Variants in IRAK2 observed in about 807,000 individuals in gnomAD.
IRAK2 encodes the protein interleukin 1 receptor associated kinase 2, also known as interleukin-1 receptor-associated kinase-like 2.
IRAK2 carries 57 observed loss-of-function variants against 72.0 expected under a neutral mutation model. The observed-to-expected ratio is 0.79, with a 90% CI of 0.64 to 0.99. IRAK2 has a LOEUF of 0.99. Among genes scored for constraint, IRAK2 ranks in the 50% least tolerant of loss-of-function variants. The pLI, the probability that IRAK2 is intolerant of heterozygous loss-of-function variation, is 0.00. For synonymous variants in IRAK2, 293 were observed against 312.7 expected (o/e 0.94, Z 0.67); for missense variants, 790 against 794.4 (o/e 0.99, Z 0.07).
intron 2 of IRAK2, among the ~76,000 whole-genome samples, chr3:10,194,169 G>A (rs1422517287): frequency 6.6e-6 from 1 of 152,222 alleles, no homozygotes; most frequent in Non-Finnish European, 1.5e-5. Context: ...CAGGAGAGGC[G>A]CATGAAGCTC....
chr3:10,191,772 T>G (rs1697179215), intron 2 of IRAK2, among the ~76,000 whole-genome samples: 5 of 152,200 alleles, frequency 3.3e-5, no homozygotes, highest in Admixed American at 3.3e-4. Context: ...CGAGTTTGTT[T>G]TCAGCATAGA....
chr3:10,194,739 C>A (rs952872948), intron 2 of IRAK2, among the ~76,000 whole-genome samples: 2 of 152,162 alleles, frequency 1.3e-5, no homozygotes, highest in Non-Finnish European at 2.9e-5. Flanking sequence ...CAGACCATGC[C>A]GGCAGCTCCA....
At chr3:10,182,493 G>A (rs28832886) in intron 2 of IRAK2, among the ~76,000 whole-genome samples, 1 of 151,424 alleles carries the variant, frequency 6.6e-6, no homozygotes, top group Non-Finnish European at 1.5e-5. Context: ...CTGTTAGCCA[G>A]GATGGTCTCG....
chr3:10,235,487 C>T (rs551091952), intron 11 of IRAK2, among the ~76,000 whole-genome samples: 1 of 152,194 alleles, frequency 6.6e-6, no homozygotes, highest in Admixed American at 6.5e-5. Flanking sequence ...TAAGGACAAA[C>T]TCTCCACTGC....
chr3:10,222,095 C>A (rs449065), intron 8 of IRAK2, among the ~76,000 whole-genome samples: 1 of 152,170 alleles, frequency 6.6e-6, no homozygotes, highest in Non-Finnish European at 1.5e-5. Flanking sequence ...GGCATGCTGG[C>A]CAGGCTGGTC....
chr3:10,238,205 A>C (rs1697996640), intron 11 of IRAK2, among the ~76,000 whole-genome samples: 1 of 152,164 alleles, frequency 6.6e-6, no homozygotes, highest in Admixed American at 6.5e-5. Flanking sequence ...AACAACAGAG[A>C]GGACAGGCAT....
chr3:10,231,391 A>G (rs1201681519), intron 10 of IRAK2, among the ~76,000 whole-genome samples: 1 of 152,056 alleles, frequency 6.6e-6, no homozygotes, highest in Admixed American at 6.6e-5. Context: ...TCCCAGGTTC[A>G]AGCAATTCTC....
At chr3:10,169,766 G>C (rs1356113162) in intron 1 of IRAK2, among the ~76,000 whole-genome samples, 2 of 152,196 alleles carry the variant, frequency 1.3e-5, no homozygotes, top group Non-Finnish European at 2.9e-5. Context: ...ACAGGGTCCT[G>C]AGGTGACATA....
chr3:10,234,630 CT>C lies in IRAK2; in HGVS notation c.1445del (p.Leu482ArgfsTer62). On this transcript the variant is annotated frameshift_variant, in exon 11 of 13. Coordinates refer to ENST00000256458, the MANE Select transcript of IRAK2 (RefSeq NM_001570.4). LOFTEE classifies it high-confidence loss of function. ...CCTGGCCACGGCTGCCTGCCTGTGCCTGCGGAGGCGTAACACCAGCCTGCAG... is the reference window on the plus strand; with the variant it reads ...CCTGGCCACGGCTGCCTGCCTGTGCCGCGGAGGCGTAACACCAGCCTGCAG... ...EALATAACLC[L>X]RRRNTSLQEV... 1 of 1,613,224 alleles carries C rather than the reference CT, an allele frequency of 6.2e-7. No homozygotes were observed. Among genetic ancestry groups the C allele is most frequent in the Non-Finnish European group, 8.5e-7 (1 of 1,179,856 alleles).
intron 6 of IRAK2, 46 bp from the exon 7 acceptor site, chr3:10,216,888 T>C: frequency 7.0e-7 from 1 of 1,420,918 alleles, no homozygotes; most frequent in Non-Finnish European, 1.0e-6. Context: ...AAGTAGATCA[T>C]TCTTTCCGTC....
intron 2 of IRAK2, among the ~76,000 whole-genome samples, chr3:10,180,818 GC>G (rs1696949052): frequency 6.6e-6 from 1 of 152,104 alleles, no homozygotes; most frequent in African/African-American, 2.4e-5. Flanking sequence ...TAGAGCTACA[GC>G]CCAGGCTGGG....
At chr3:10,227,022 A>G (rs1309193420) in intron 10 of IRAK2, among the ~76,000 whole-genome samples, 1 of 151,956 alleles carries the variant, frequency 6.6e-6, no homozygotes, top group Non-Finnish European at 1.5e-5. Flanking sequence ...TTCTCTATAT[A>G]TCAGGCAATT....
At position 10,240,143 on chromosome 3, in the gene IRAK2, G is replaced by A. The variant is rs1330191997; in HGVS notation, c.1765+1104G>A. 5.4e-5 allele frequency among the ~76,000 whole-genome samples: 4 copies of A among 74,006 alleles called. No homozygotes were observed. The South Asian group carries it at 2.9e-3, about 54-fold the overall frequency. 48.6% of individuals were successfully genotyped at this position (74,006 alleles called of 152,430 possible). A position where few individuals can be genotyped will look rare whatever the true frequency, so the allele number is the denominator to read the frequency against. ...GCCCTGAGTGACAGAGTGAGACTCC[G>A]TCTCAAAAAAAAAAAAAAGAAGATA... On this transcript the variant is annotated intron_variant, in intron 12 of 12. Transcript: ENST00000256458.
chr3:10,209,145 C>T (rs868256574), intron 3 of IRAK2, among the ~76,000 whole-genome samples: 6 of 152,116 alleles, frequency 3.9e-5, no homozygotes, highest in African/African-American at 7.2e-5. Flanking sequence ...GATGTATCCT[C>T]GGAGGATAGT....
At chr3:10,185,783 G>A (rs1575960705) in intron 2 of IRAK2, among the ~76,000 whole-genome samples, 3 of 151,542 alleles carry the variant, frequency 2.0e-5, no homozygotes, top group African/African-American at 7.3e-5. Flanking sequence ...GGCTGACGCA[G>A]GAGAATTGCT....
chr3:10,215,855 G>C (rs117702438), intron 6 of IRAK2, among the ~76,000 whole-genome samples: 3 of 152,112 alleles, frequency 2.0e-5, no homozygotes, highest in Non-Finnish European at 4.4e-5. Context: ...TCATGGAGTC[G>C]GCAGTCACTC....
chr3:10,214,054 G>A (rs563311249), intron 6 of IRAK2, among the ~76,000 whole-genome samples: 18 of 151,828 alleles, frequency 1.2e-4, no homozygotes, highest in Non-Finnish European at 1.5e-4. Flanking sequence ...TTAGCCTCCC[G>A]AGTAGCTGGG....
intron 11 of IRAK2, among the ~76,000 whole-genome samples, chr3:10,236,665 C>T (rs576340140): frequency 3.9e-5 from 6 of 152,158 alleles, no homozygotes; most frequent in Admixed American, 3.3e-4. Context: ...GGTTTTTAAG[C>T]AGAGGTAGGA....
Position 10,242,444 on chromosome 3 carries a change from C to A in IRAK2, c.*216C>A, listed in dbSNP as rs371231750. On this transcript the variant is annotated 3_prime_UTR_variant, in exon 13 of 13. Transcript: ENST00000256458. ...AAAAATCCATGAAGTCTCTTCCTTTCTGGGCTTTGTTAGTCAGAGCAGGGG... is the reference window on the plus strand; with the variant it reads ...AAAAATCCATGAAGTCTCTTCCTTTATGGGCTTTGTTAGTCAGAGCAGGGG... The A allele has an allele frequency of 2.7e-6, 1 of 364,044 alleles. No homozygotes were observed. The allele number at this position is 364,044 out of a possible 1,614,324, so 22.6% of individuals were successfully genotyped here.
Sources: gnomAD v4.1 joint callset for allele counts (sites outside exome capture counted in the v4.1 genomes callset) on GRCh38, gnomAD v4.1.1 for gene constraint, MANE v1.5 for transcripts, NCBI Gene and HGNC (gene_info 2026-07-23, HGNC 2026-07-21) for gene names.